The following PHC2 variants were observed in gnomAD, a reference collection of about 807,000 sequenced individuals.
The protein encoded by PHC2 is polyhomeotic-like protein 2.
In PHC2, 29 loss-of-function variants were observed where a neutral mutation model predicts 87.4. The observed-to-expected ratio is 0.33, with a 90% CI of 0.25 to 0.45. The LOEUF (loss-of-function observed/expected upper bound fraction) is 0.45. Among genes scored for constraint, PHC2 ranks in the 20% least tolerant of loss-of-function variants. The pLI is 1.00. For missense variants in PHC2, 857 were observed against 1,136.7 expected (o/e 0.75, Z 3.54); for synonymous variants, 438 against 461.7 (o/e 0.95, Z 0.66).
At chr1:33,411,934 C>A (rs1650000428) in intron 1 of PHC2, among the ~76,000 whole-genome samples, 2 of 152,102 alleles carry the variant, frequency 1.3e-5, no homozygotes, top group African/African-American at 4.8e-5. Flanking sequence ...TCACAACAAA[C>A]CAGGATAGAA....
chr1:33,355,327 C>A, intron 7 of PHC2, 74 bp from the exon 8 acceptor site: 1 of 1,349,386 alleles, frequency 7.4e-7, no homozygotes, highest in East Asian at 2.4e-5. Context: ...CTCTGCCCCT[C>A]CCGCATCCAA....
At chr1:33,352,900 C>T (rs994962609) in intron 9 of PHC2, among the ~76,000 whole-genome samples, 8 of 152,082 alleles carry the variant, frequency 5.3e-5, no homozygotes, top group Non-Finnish European at 1.0e-4. Flanking sequence ...AATAATGGGG[C>T]GATTCTACTT....
At chr1:33,423,946 A>G (rs1490130815) in intron 1 of PHC2, among the ~76,000 whole-genome samples, 1 of 152,128 alleles carries the variant, frequency 6.6e-6, no homozygotes, top group African/African-American at 2.4e-5. Context: ...AAAATACAAA[A>G]ATTAGCCGGG....
rs972119703 is a variant in PHC2 at position 33,332,461 on chromosome 1, A to G, written c.1762-57T>C. ...GTCAGGTGGGAGCGGCTTCCTTGCTATCCATCCTCATCACAATTACACGTA... is the reference window on the plus strand; with the variant it reads ...GTCAGGTGGGAGCGGCTTCCTTGCTGTCCATCCTCATCACAATTACACGTA... On this transcript the variant is annotated intron_variant, in intron 10 of 14. Transcript: ENST00000683057. This position sits in a 1 kb window ranked among gnomAD's most constrained non-coding sequence, Gnocchi z 4.2. 6 of 1,598,382 alleles carry G rather than the reference A, an allele frequency of 3.8e-6. No homozygotes were observed. In the East Asian group the frequency reaches 8.9e-5, roughly 24 times the overall value.
At chr1:33,333,994 TCA>T (rs1262753927) in intron 10 of PHC2, 94 bp downstream of exon 10, 1 of 1,085,342 alleles carries the variant, frequency 9.2e-7, no homozygotes, top group Non-Finnish European at 1.4e-6. Context: ...AGCAAATTGT[TCA>T]CATTTTCAGA....
chr1:33,360,757 T>C (rs776744403), intron 7 of PHC2, among the ~76,000 whole-genome samples: 31 of 152,232 alleles, frequency 2.0e-4, no homozygotes, highest in Non-Finnish European at 4.1e-4. Flanking sequence ...TTGAGAAGTG[T>C]TTTTATTTTA....
At chr1:33,360,870 C>T (rs1206266053) in intron 7 of PHC2, among the ~76,000 whole-genome samples, 1 of 152,172 alleles carries the variant, frequency 6.6e-6, no homozygotes, top group Non-Finnish European at 1.5e-5. Flanking sequence ...TTGCATATTA[C>T]AAGACGCTGA....
intron 1 of PHC2, among the ~76,000 whole-genome samples, chr1:33,415,119 G>A (rs778958498): frequency 1.3e-5 from 2 of 152,178 alleles, no homozygotes; most frequent in Admixed American, 6.5e-5. Flanking sequence ...GGATCTCACC[G>A]AGTCGAGGTG....
chr1:33,426,537 G>A (rs1007173781), intron 1 of PHC2, among the ~76,000 whole-genome samples: 2 of 152,184 alleles, frequency 1.3e-5, no homozygotes, highest in African/African-American at 4.8e-5. Flanking sequence ...AGTAACAATA[G>A]CATCAGGACT....
chr1:33,344,136 G>A (rs1253266385), intron 9 of PHC2, among the ~76,000 whole-genome samples: 2 of 152,208 alleles, frequency 1.3e-5, no homozygotes, highest in African/African-American at 4.8e-5. Context: ...AATGCCAGAT[G>A]ATTTAGCTTA....
At chr1:33,356,251 A>T (rs1195536464) in intron 7 of PHC2, among the ~76,000 whole-genome samples, 2 of 39,810 alleles carry the variant, frequency 5.0e-5, no homozygotes, top group African/African-American at 8.5e-5. Context: ...GAAAATTCTT[A>T]TATATATATA....
In PHC2 at chr1:33,380,196, C is replaced by T. The variant is rs1036939989; in HGVS notation, c.-54-4603G>A. Among the ~76,000 whole-genome samples, 7 of 152,214 alleles carry T rather than the reference C, an allele frequency of 4.6e-5. No homozygotes were observed. In the East Asian group the frequency reaches 1.3e-3, roughly 29 times the overall value. On this transcript the variant is annotated intron_variant, in intron 1 of 14. Transcript: ENST00000683057. ...TAGAGAAGGAAAGTTCAGAATATGA[C>T]TAGATTTTAAGTGTGCAATTCAGTA...
chr1:33,356,271 A>G lies in PHC2; in HGVS notation c.977-1018T>C, dbSNP rs12750173. On this transcript the variant is annotated intron_variant, in intron 7 of 14. Coordinates refer to ENST00000683057, the MANE Select transcript of PHC2 (RefSeq NM_001385109.1). ...TTCTTATATATATATATATATATAT[A>G]TATATGTATATATATATATATATTT... 6.3e-3 allele frequency among the ~76,000 whole-genome samples: 545 copies of G among 86,878 alleles called. 6 individuals are homozygous for G. Among genetic ancestry groups the G allele is most frequent in the Non-Finnish European group, 7.4e-3 (312 of 42,446 alleles). 57.0% of individuals were successfully genotyped at this position (86,878 alleles called of 152,430 possible). A position where few individuals can be genotyped will look rare whatever the true frequency, so the allele number is the denominator to read the frequency against.
chr1:33,353,607 A>G (rs1647014116), intron 9 of PHC2, among the ~76,000 whole-genome samples: 1 of 151,870 alleles, frequency 6.6e-6, no homozygotes, highest in African/African-American at 2.4e-5. Context: ...TTCTCCATCA[A>G]TTTCTAAACT....
chr1:33,352,639 T>G (rs1646994814), intron 9 of PHC2, among the ~76,000 whole-genome samples: 1 of 152,202 alleles, frequency 6.6e-6, no homozygotes, highest in Non-Finnish European at 1.5e-5. Flanking sequence ...TAGGGAGAGC[T>G]GGCATGACAG....
intron 9 of PHC2, among the ~76,000 whole-genome samples, chr1:33,348,194 T>C (rs1357583543): frequency 6.6e-6 from 1 of 151,982 alleles, no homozygotes. Flanking sequence ...GTCAAAACGA[T>C]GGGAAGCCCT....
In PHC2 at chr1:33,332,876, G is replaced by A. The variant is rs940103223; in HGVS notation, c.1762-472C>T. On this transcript the variant is annotated intron_variant, in intron 10 of 14. Transcript: ENST00000683057. This position sits in a 1 kb window ranked among gnomAD's most constrained non-coding sequence, Gnocchi z 4.2. Reference sequence around the variant, plus strand: ...CTGACCCAAGCCAGAGGTACAGGCCGCCACAGAGTATAGCAGGAAAAAACA... The same window carrying A: ...CTGACCCAAGCCAGAGGTACAGGCCACCACAGAGTATAGCAGGAAAAAACA... Among the ~76,000 whole-genome samples, 3 of 152,084 alleles carry A rather than the reference G, an allele frequency of 2.0e-5. No individual in the cohort carries two copies. Among genetic ancestry groups the A allele is most frequent in the African/African-American group, 4.8e-5 (2 of 41,402 alleles).
chr1:33,379,950 C>G (rs575242401), intron 1 of PHC2, among the ~76,000 whole-genome samples: 2 of 152,282 alleles, frequency 1.3e-5, no homozygotes, highest in East Asian at 1.9e-4. Flanking sequence ...GTAGTCTCCC[C>G]CTCCCTGAGC....
Position 33,347,856 on chromosome 1 carries a change from G to A in PHC2, c.1558+6545C>T, listed in dbSNP as rs570058901. 208 of 410,950 alleles carry A rather than the reference G, an allele frequency of 5.1e-4. 1 individual carries two copies. The highest frequency in any genetic ancestry group is 2.0e-3 in the South Asian group (20 of 9,974). 25.5% of individuals were successfully genotyped at this position (410,950 alleles called of 1,614,324 possible). A position where few individuals can be genotyped will look rare whatever the true frequency, so the allele number is the denominator to read the frequency against. On this transcript the variant is annotated intron_variant, in intron 9 of 14. Coordinates refer to ENST00000683057, the MANE Select transcript of PHC2 (RefSeq NM_001385109.1). ...GCGAAACAAGCCCGCCCTTGTGAGT[G>A]AGCCAAGCCAGAGGCCCCAGTTCCC...
Sources: allele counts gnomAD v4.1 joint callset (sites outside exome capture counted in the v4.1 genomes callset), GRCh38; gene constraint gnomAD v4.1.1; non-coding constraint Gnocchi (gnomAD v3.1); transcripts MANE v1.5; gene names NCBI Gene and HGNC (gene_info 2026-07-23, HGNC 2026-07-21).